Variants in NTM observed in about 807,000 individuals in gnomAD.
The protein encoded by NTM is IgLON family member 2.
Under a neutral mutation model 42.1 loss-of-function variants are expected in NTM, and 13 were observed. The ratio of observed to expected loss-of-function variants is 0.31; its 90% CI spans 0.20 to 0.49. The LOEUF is 0.49. NTM is among the 20% of genes least tolerant of loss of function. NTM has a pLI of 0.99. For synonymous variants in NTM, 187 were observed against 179.2 expected (o/e 1.04, Z -0.35); for missense variants, 373 against 452.8 (o/e 0.82, Z 1.60).
intron 4 of NTM, among the ~76,000 whole-genome samples, chr11:132,257,208 C>A (rs564857803): frequency 6.6e-6 from 1 of 152,314 alleles, no homozygotes; most frequent in African/African-American, 2.4e-5. Context: ...TGAATTAGGG[C>A]CTCTGCTGAG....
At chr11:132,269,657 G>A (rs940441089) in intron 4 of NTM, among the ~76,000 whole-genome samples, 2 of 152,228 alleles carry the variant, frequency 1.3e-5, no homozygotes, top group African/African-American at 4.8e-5. Flanking sequence ...CTTCAATTCA[G>A]TGTTCTCTTC....
At chr11:131,553,376 C>T (rs183346014) in intron 1 of NTM, among the ~76,000 whole-genome samples, 22 of 152,280 alleles carry the variant, frequency 1.4e-4, no homozygotes, top group African/African-American at 2.4e-4. Flanking sequence ...CTCCAGAGCA[C>T]GAGATGTGTG....
At chr11:131,782,633 A>T (rs1237170018) in intron 1 of NTM, among the ~76,000 whole-genome samples, 1 of 152,172 alleles carries the variant, frequency 6.6e-6, no homozygotes, top group East Asian at 1.9e-4. Context: ...CCAGAAATAT[A>T]TAAATAGGAT....
intron 1 of NTM, among the ~76,000 whole-genome samples, chr11:131,749,895 A>G (rs2082272927): frequency 6.6e-6 from 1 of 152,184 alleles, no homozygotes; most frequent in Non-Finnish European, 1.5e-5. Flanking sequence ...CGTTTTATGT[A>G]GAGGATACCA....
intron 2 of NTM, among the ~76,000 whole-genome samples, chr11:132,011,677 A>G (rs1437499064): frequency 6.6e-6 from 1 of 152,180 alleles, no homozygotes; most frequent in African/African-American, 2.4e-5. Flanking sequence ...CTAAGGGTGT[A>G]AGTAAGTTGG....
At chr11:131,472,726 A>G (rs1952558634) in intron 1 of NTM, among the ~76,000 whole-genome samples, 2 of 152,168 alleles carry the variant, frequency 1.3e-5, no homozygotes, top group South Asian at 4.1e-4. Flanking sequence ...GTAATTTTAT[A>G]CCTTATAATA....
intron 1 of NTM, chr11:131,534,842 A>C (rs767453114): frequency 3.3e-5 from 5 of 152,238 alleles, no homozygotes; most frequent in Non-Finnish European, 5.9e-5. Flanking sequence ...AGCCCTTCTG[A>C]GCATGCTGAG....
chr11:131,810,570 G>A (rs2136305686), intron 1 of NTM, among the ~76,000 whole-genome samples: 1 of 152,316 alleles, frequency 6.6e-6, no homozygotes, highest in East Asian at 1.9e-4. Flanking sequence ...GTGTCTGAAT[G>A]GGTAAATGTG....
intron 3 of NTM, among the ~76,000 whole-genome samples, chr11:132,178,272 A>G (rs992188780): frequency 2.6e-5 from 4 of 152,176 alleles, no homozygotes; most frequent in Admixed American, 1.3e-4. Context: ...AGGAAAGATA[A>G]ACTTTAATAA....
rs140975739 is a variant in NTM at position 131,634,667 on chromosome 11, T to G, written c.82+263779T>G. ...AAAAAAGAAAAAAGAGTGAGCTTCTTTAATCAAACAGTCTTTAGTTTGAAT... is the reference window on the plus strand; with the variant it reads ...AAAAAAGAAAAAAGAGTGAGCTTCTGTAATCAAACAGTCTTTAGTTTGAAT... On this transcript the variant is annotated intron_variant, in intron 1 of 8. Transcript: ENST00000683400. Among the ~76,000 whole-genome samples, 1,261 of 151,996 alleles carry G rather than the reference T, an allele frequency of 8.3e-3. 9 individuals carry two copies. The highest frequency in any genetic ancestry group is 0.025 in the South Asian group (119 of 4,812).
intron 2 of NTM, among the ~76,000 whole-genome samples, chr11:132,128,642 T>A (rs1019762753): frequency 1.3e-5 from 2 of 151,992 alleles, no homozygotes; most frequent in African/African-American, 2.4e-5. Context: ...GGGCTGGGCA[T>A]GGTGGCTCAC....
At chr11:132,287,427 T>C (rs961606233) in intron 4 of NTM, among the ~76,000 whole-genome samples, 28 of 152,180 alleles carry the variant, frequency 1.8e-4, no homozygotes, top group African/African-American at 6.5e-4. Flanking sequence ...GCTCATGTCA[T>C]GCATGTCAGG....
intron 2 of NTM, among the ~76,000 whole-genome samples, chr11:132,095,021 A>G (rs2060791870): frequency 6.6e-6 from 1 of 152,178 alleles, no homozygotes; most frequent in Admixed American, 6.5e-5. Flanking sequence ...ACAAACAGAG[A>G]TGGAGACATT....
chr11:131,925,298 T>C (rs1052680135), intron 2 of NTM, among the ~76,000 whole-genome samples: 5 of 151,926 alleles, frequency 3.3e-5, no homozygotes, highest in African/African-American at 9.7e-5. Flanking sequence ...ATAGATAGGA[T>C]GATTTGTAGG....
intron 4 of NTM, among the ~76,000 whole-genome samples, chr11:132,219,280 G>T (rs1387826560): frequency 1.3e-5 from 2 of 152,150 alleles, no homozygotes; most frequent in African/African-American, 4.8e-5. Flanking sequence ...CACTTTGCGT[G>T]CATTTCCAAC....
chr11:131,527,441 A>G (rs2050659505), intron 1 of NTM, among the ~76,000 whole-genome samples: 1 of 152,176 alleles, frequency 6.6e-6, no homozygotes, highest in African/African-American at 2.4e-5. Context: ...TCTTATCACC[A>G]TGCCTCTTCC....
intron 1 of NTM, among the ~76,000 whole-genome samples, chr11:131,565,273 T>C (rs915973365): frequency 6.6e-6 from 1 of 152,214 alleles, no homozygotes; most frequent in Non-Finnish European, 1.5e-5. Context: ...CTGAACACTT[T>C]GTTTCTCATT....
intron 2 of NTM, among the ~76,000 whole-genome samples, chr11:132,141,731 C>T (rs1235131390): frequency 6.6e-6 from 1 of 152,212 alleles, no homozygotes; most frequent in East Asian, 1.9e-4. Flanking sequence ...CAGACACACA[C>T]AGACTAAGAA....
At chr11:132,019,145 C>T (rs750865104) in intron 2 of NTM, among the ~76,000 whole-genome samples, 21 of 151,564 alleles carry the variant, frequency 1.4e-4, no homozygotes, top group Admixed American at 2.6e-4. Context: ...ATTGACTTTC[C>T]CTAATTTTTT....
Sources: gnomAD v4.1 joint callset for allele counts (sites outside exome capture counted in the v4.1 genomes callset) on GRCh38, gnomAD v4.1.1 for gene constraint, MANE v1.5 for transcripts, NCBI Gene and HGNC (gene_info 2026-07-23, HGNC 2026-07-21) for gene names.